Variants in METTL15 observed in about 807,000 individuals in gnomAD.
METTL15 encodes the protein 12S rRNA N(4)-cytidine methyltransferase METTL15.
A neutral mutation model predicts 38.3 loss-of-function variants in METTL15; 34 were observed. That is an observed-to-expected ratio of 0.89 (90% CI 0.68 to 1.18). The LOEUF (loss-of-function observed/expected upper bound fraction) is 1.18. Among genes scored for constraint, METTL15 ranks in the 50% most tolerant of loss-of-function variants. The probability of loss-of-function intolerance (pLI) is 0.00; values close to 1 mark genes in which losing one functional copy is unlikely to be tolerated. For missense variants in METTL15, 438 were observed against 498.4 expected (o/e 0.88, Z 1.15); for synonymous variants, 162 against 170.9 (o/e 0.95, Z 0.41).
intron 4 of METTL15, among the ~76,000 whole-genome samples, chr11:28,245,497 A>G (rs561487269): frequency 4.6e-5 from 7 of 152,274 alleles, no homozygotes; most frequent in African/African-American, 1.7e-4. Context: ...TCATGAAAAA[A>G]AAAGTATCAC....
intron 5 of METTL15, among the ~76,000 whole-genome samples, chr11:28,423,090 T>C (rs1380482854): frequency 6.6e-6 from 1 of 152,010 alleles, no homozygotes; most frequent in Non-Finnish European, 1.5e-5. Context: ...CAAACAGGTA[T>C]ATAAAAATGT....
intron 3 of METTL15, among the ~76,000 whole-genome samples, chr11:28,167,690 G>A (rs1205288636): frequency 1.3e-5 from 2 of 150,816 alleles, no homozygotes; most frequent in Non-Finnish European, 3.0e-5. Flanking sequence ...GAATCCCACA[G>A]TACGAGATTC....
At chr11:28,163,345 A>G in intron 3 of METTL15, 1 of 398,022 alleles carries the variant, frequency 2.5e-6, no homozygotes, top group South Asian at 1.3e-4. Context: ...GTCAGGCTTC[A>G]TGGTCTTTTT....
intron 3 of METTL15, among the ~76,000 whole-genome samples, chr11:28,210,074 A>C (rs1022043958): frequency 3.3e-5 from 5 of 151,972 alleles, no homozygotes; most frequent in African/African-American, 1.2e-4. Flanking sequence ...TTGTACACAC[A>C]TATGTTTCTT....
chr11:28,210,939 G>T, intron 3 of METTL15, 123 bp from the exon 4 acceptor site: 1 of 1,023,650 alleles, frequency 9.8e-7, no homozygotes, highest in Non-Finnish European at 1.4e-6. Context: ...CACAACGATT[G>T]TAATTATTTT....
At chr11:28,159,599 C>T (rs1590835859) in intron 3 of METTL15, among the ~76,000 whole-genome samples, 1 of 152,178 alleles carries the variant, frequency 6.6e-6, no homozygotes, top group African/African-American at 2.4e-5. Context: ...TTTCCCCCTT[C>T]TTTTGTTAAA....
chr11:28,158,774 G>A (rs1248172777), intron 3 of METTL15, among the ~76,000 whole-genome samples: 1 of 152,130 alleles, frequency 6.6e-6, no homozygotes, highest in Non-Finnish European at 1.5e-5. Context: ...GAATTTACTG[G>A]TCTTACCATC....
intron 3 of METTL15, among the ~76,000 whole-genome samples, chr11:28,191,902 C>G (rs1851713507): frequency 6.6e-6 from 1 of 151,632 alleles, no homozygotes; most frequent in Non-Finnish European, 1.5e-5. Context: ...TTTTCTTAAA[C>G]TGAGGTTAAT....
chr11:28,212,332 G>A (rs1852675069), intron 4 of METTL15, among the ~76,000 whole-genome samples: 1 of 152,036 alleles, frequency 6.6e-6, no homozygotes, highest in Non-Finnish European at 1.5e-5. Context: ...TAATGACATG[G>A]TACTAATTTT....
At chr11:28,441,336 A>G (rs1851033313) in intron 6 of METTL15, among the ~76,000 whole-genome samples, 1 of 152,042 alleles carries the variant, frequency 6.6e-6, no homozygotes, top group African/African-American at 2.4e-5. Flanking sequence ...GTTATTAAAT[A>G]ATAAATTAAT....
At chr11:28,370,648 C>T (rs1383292094) in intron 5 of METTL15, among the ~76,000 whole-genome samples, 1 of 152,082 alleles carries the variant, frequency 6.6e-6, no homozygotes, top group Admixed American at 6.5e-5. Flanking sequence ...TCCATAGTGA[C>T]TGTGTTAATT....
intron 6 of METTL15, among the ~76,000 whole-genome samples, chr11:28,503,853 A>G (rs1851604768): frequency 6.6e-6 from 1 of 151,892 alleles, no homozygotes; most frequent in Non-Finnish European, 1.5e-5. Flanking sequence ...ATTCATAAAT[A>G]TCCTGTTATA....
chr11:28,528,802 A>G (rs1265604840), downstream of METTL15, among the ~76,000 whole-genome samples: 1 of 152,172 alleles, frequency 6.6e-6, no homozygotes, highest in Non-Finnish European at 1.5e-5. Context: ...TTAACTGAGC[A>G]CTCTTTAAAA....
intron 4 of METTL15, among the ~76,000 whole-genome samples, chr11:28,277,480 C>T (rs975552368): frequency 6.6e-6 from 1 of 151,916 alleles, no homozygotes; most frequent in Non-Finnish European, 1.5e-5. Context: ...GGCAGATTAC[C>T]TGAGGTCAGG....
rs148800780 is a variant in METTL15 at position 28,205,508 on chromosome 11, G to A, written c.271-5554G>A. 5.4e-3 allele frequency among the ~76,000 whole-genome samples: 817 copies of A among 152,104 alleles called. 6 individuals are homozygous for A. Among genetic ancestry groups the A allele is most frequent in the Admixed American group, 0.011 (173 of 15,276 alleles). On this transcript the variant is annotated intron_variant, in intron 3 of 6. Transcript: ENST00000407364. The stretch of plus-strand genomic sequence containing the variant: ...CATTTTCTTAATCCAGTCTATCATT[G>A]ATGGACATTTGAGTTGGTTCCAGGT...
chr11:28,395,906 G>A (rs541125896), intron 5 of METTL15, among the ~76,000 whole-genome samples: 1 of 152,262 alleles, frequency 6.6e-6, no homozygotes, highest in East Asian at 1.9e-4. Flanking sequence ...CCATGATCAA[G>A]TGGGCTTCAT....
intron 3 of METTL15, among the ~76,000 whole-genome samples, chr11:28,196,318 T>G (rs1641044340): frequency 6.6e-6 from 1 of 152,126 alleles, no homozygotes; most frequent in Non-Finnish European, 1.5e-5. Context: ...TGATATTGAT[T>G]CTTCCAATCC....
At chr11:28,219,945 T>A (rs1307574330) in intron 4 of METTL15, among the ~76,000 whole-genome samples, 1 of 152,216 alleles carries the variant, frequency 6.6e-6, no homozygotes, top group Non-Finnish European at 1.5e-5. Flanking sequence ...ATAATTTCTG[T>A]TCTTTAACAT....
chr11:28,120,269 T>A (rs1852168285), intron 3 of METTL15, among the ~76,000 whole-genome samples: 2 of 151,748 alleles, frequency 1.3e-5, no homozygotes, highest in Admixed American at 1.3e-4. Flanking sequence ...TTTTTTTTCT[T>A]CTTAAGAAAA....
Sources: gnomAD v4.1 joint callset for allele counts (sites outside exome capture counted in the v4.1 genomes callset) on GRCh38, gnomAD v4.1.1 for gene constraint, MANE v1.5 for transcripts, NCBI Gene and HGNC (gene_info 2026-07-23, HGNC 2026-07-21) for gene names.